Variants in MCC observed in about 807,000 individuals in gnomAD.
MCC encodes MCC regulator of Wnt signaling pathway.
Under a neutral mutation model 116.2 loss-of-function variants are expected in MCC, and 90 were observed. The ratio of observed to expected loss-of-function variants is 0.77; its 90% CI spans 0.65 to 0.92. The LOEUF (loss-of-function observed/expected upper bound fraction) is 0.92, where lower values mean the gene tolerates loss of function less well. MCC is among the 40% of genes least tolerant of loss of function. The pLI is 0.00. For missense variants in MCC, 1,516 were observed against 1,312.2 expected, an observed-to-expected ratio of 1.16 and a Z score of -2.40; for synonymous variants, 578 against 510.5, an observed-to-expected ratio of 1.13 and a Z score of -1.78.
chr5:113,487,628 T>G (rs971747348), intron 1 of MCC, among the ~76,000 whole-genome samples: 2 of 152,248 alleles, frequency 1.3e-5, no homozygotes, highest in African/African-American at 4.8e-5. Context: ...GAGTCGGGTC[T>G]AGCCCTAGTT....
intron 1 of MCC, among the ~76,000 whole-genome samples, chr5:113,486,448 A>G (rs185710045): frequency 1.4e-4 from 21 of 152,362 alleles, no homozygotes; most frequent in African/African-American, 5.0e-4. Flanking sequence ...ATTTATATAG[A>G]AAGTGTAGTT....
At chr5:113,335,192 A>C (rs903631579) in intron 3 of MCC, among the ~76,000 whole-genome samples, 7 of 151,702 alleles carry the variant, frequency 4.6e-5, no homozygotes, top group Non-Finnish European at 1.0e-4. Flanking sequence ...CTGCAGAAGG[A>C]GAAATGAAAA....
chr5:113,385,823 G>A (rs1769240681), intron 1 of MCC, among the ~76,000 whole-genome samples: 1 of 152,034 alleles, frequency 6.6e-6, no homozygotes, highest in African/African-American at 2.4e-5. Context: ...CTAAGAGCAG[G>A]GATCAAAATC....
At chr5:113,349,670 G>T (rs1768218848) in intron 2 of MCC, among the ~76,000 whole-genome samples, 1 of 151,964 alleles carries the variant, frequency 6.6e-6, no homozygotes, top group African/African-American at 2.4e-5. Context: ...CTGTTATTCA[G>T]CATAGTACTG....
chr5:113,046,398 G>A (rs1752075855), intron 16 of MCC, among the ~76,000 whole-genome samples: 1 of 151,954 alleles, frequency 6.6e-6, no homozygotes, highest in Non-Finnish European at 1.5e-5. Flanking sequence ...CACCATGTTG[G>A]TGATGCTGGT....
chr5:113,143,656 G>A (rs746810356), intron 4 of MCC, among the ~76,000 whole-genome samples: 50 of 152,246 alleles, frequency 3.3e-4, no homozygotes, highest in Admixed American at 6.5e-4. Context: ...CCACTTTCCC[G>A]TAGCCAAGAA....
rs577022580 is a variant in MCC, at chr5:113,049,171, G to C, written c.2577C>G (p.Ser859=). ...AYLVHIEHLK[S]EVEEQKEQRM... is the part of the protein sequence containing the mutation. The stretch of plus-strand genomic sequence containing the variant: ...GCTGCTCCTTCTGCTCCTCCACCTC[G>C]GACTTCAGGTGCTCAATGTGCACCA... The change falls in exon 16 of 19, where the codon TCC becomes TCG. Residue 859 remains serine, a synonymous_variant. Transcript: ENST00000408903. The C allele has an allele frequency of 1.2e-6, 2 of 1,614,054 alleles. No individual in the cohort carries two copies. Among genetic ancestry groups the C allele is most frequent in the Non-Finnish European group, 1.7e-6 (2 of 1,180,040 alleles).
intron 3 of MCC, among the ~76,000 whole-genome samples, chr5:113,319,930 TATTTCTTAGCATA>T (rs1430055768): frequency 2.6e-5 from 4 of 152,172 alleles, no homozygotes; most frequent in African/African-American, 9.7e-5. Context: ...GCCCCAAAGT[TATTTCTTAGCATA>T]ATTTTATCCT....
At chr5:113,068,429 G>A (rs1753778125) in intron 12 of MCC, among the ~76,000 whole-genome samples, 4 of 152,174 alleles carry the variant, frequency 2.6e-5, no homozygotes, top group Admixed American at 2.6e-4. Context: ...GGTGGGAGAG[G>A]CAAATGTGTC....
intron 15 of MCC, among the ~76,000 whole-genome samples, chr5:113,051,908 C>T (rs1752512658): frequency 6.6e-6 from 1 of 151,960 alleles, no homozygotes; most frequent in Admixed American, 6.5e-5. Flanking sequence ...TATGGGTGAG[C>T]ACACATCCCC....
At chr5:113,268,367 C>A (rs962379658) in intron 3 of MCC, among the ~76,000 whole-genome samples, 1 of 152,212 alleles carries the variant, frequency 6.6e-6, no homozygotes, top group Admixed American at 6.5e-5. Flanking sequence ...CACCACCACT[C>A]CTAGAAATCC....
intron 3 of MCC, among the ~76,000 whole-genome samples, chr5:113,319,413 A>G (rs1368260147): frequency 6.6e-6 from 1 of 152,120 alleles, no homozygotes; most frequent in African/African-American, 2.4e-5. Context: ...AGGGAATTCT[A>G]TTCTTGTCGT....
chr5:113,264,073 A>C (rs1032231627), intron 3 of MCC, among the ~76,000 whole-genome samples: 4 of 152,220 alleles, frequency 2.6e-5, no homozygotes, highest in Non-Finnish European at 2.9e-5. Context: ...CTCTTTAGAA[A>C]CAAAAATTAA....
chr5:113,220,172 C>G lies in MCC; in HGVS notation c.628-68750G>C, dbSNP rs112810998. ...TCCCGGGTTCACGCCATTTTCCTGC[C>G]GCAGCCTCCTCAGTAGCTGGGATTA... On this transcript the variant is annotated intron_variant, in intron 3 of 18. Transcript: ENST00000408903. Among the ~76,000 whole-genome samples the G allele has an allele frequency of 7.0e-3, 641 of 91,432 alleles. 81 individuals carry two copies. Among genetic ancestry groups the G allele is most frequent in the African/African-American group, 0.016 (617 of 38,810 alleles). The allele number at this position is 91,432 out of a possible 152,430, so 60.0% of individuals were successfully genotyped here.
At chr5:113,047,988 C>T (rs943738292) in intron 16 of MCC, among the ~76,000 whole-genome samples, 4 of 152,162 alleles carry the variant, frequency 2.6e-5, no homozygotes, top group Admixed American at 6.5e-5. Flanking sequence ...CACCCTGTGA[C>T]GGTAGCAACG....
At chr5:113,257,274 G>A (rs116254256) in intron 3 of MCC, among the ~76,000 whole-genome samples, 2,484 of 152,196 alleles carry the variant, frequency 0.016, 78 homozygotes, top group African/African-American at 0.056. Context: ...ACAGATTTGG[G>A]CATCATTACT....
At chr5:113,162,724 C>A (rs981650162) in intron 3 of MCC, among the ~76,000 whole-genome samples, 15 of 152,060 alleles carry the variant, frequency 9.9e-5, no homozygotes, top group African/African-American at 3.6e-4. Flanking sequence ...GTCTCAAACT[C>A]CTGGGCTCAA....
At chr5:113,469,544 G>C (rs1308598918) in intron 1 of MCC, among the ~76,000 whole-genome samples, 1 of 152,234 alleles carries the variant, frequency 6.6e-6, no homozygotes, top group Non-Finnish European at 1.5e-5. Context: ...TGTGGTCTGA[G>C]AGACAGTTTG....
intron 3 of MCC, among the ~76,000 whole-genome samples, chr5:113,249,666 G>T (rs1764719211): frequency 6.6e-6 from 1 of 152,114 alleles, no homozygotes; most frequent in Non-Finnish European, 1.5e-5. Context: ...GTGTGTTTGG[G>T]GTGTATAAAA....
Sources: gnomAD v4.1 joint callset for allele counts (sites outside exome capture counted in the v4.1 genomes callset) on GRCh38, gnomAD v4.1.1 for gene constraint, MANE v1.5 for transcripts, NCBI Gene and HGNC (gene_info 2026-07-23, HGNC 2026-07-21) for gene names.